The following TMX2 variants were observed in gnomAD, a reference collection of about 807,000 sequenced individuals.
TMX2 encodes thioredoxin related transmembrane protein 2.
TMX2 carries 20 observed loss-of-function variants against 33.4 expected under a neutral mutation model. The observed-to-expected ratio is 0.60, with a 90% CI of 0.42 to 0.87. The LOEUF (loss-of-function observed/expected upper bound fraction) is 0.87. Ranked by LOEUF, TMX2 falls within the 40% of genes least tolerant of loss-of-function variation. TMX2 has a pLI of 0.00. For missense variants in TMX2, 340 were observed against 370.7 expected (o/e 0.92, Z 0.68); for synonymous variants, 166 against 140.7 (o/e 1.18, Z -1.27).
At chr11:57,737,705 C>T (rs375644772) in intron 2 of TMX2, 37 bp downstream of exon 2, 1 of 1,598,898 alleles carries the variant, frequency 6.3e-7, no homozygotes, top group Non-Finnish European at 8.6e-7. Context: ...AAGGTTAGAT[C>T]TAATGCCCTT....
In TMX2 at chr11:57,715,402, AAAAT is replaced by A. The variant is rs544592015; in HGVS notation, c.189+2611_189+2614del. Among the ~76,000 whole-genome samples the A allele has an allele frequency of 5.8e-4, 88 of 151,488 alleles. 2 individuals are homozygous for A. In the South Asian group the frequency reaches 0.017, roughly 30 times the overall value. Reference sequence around the variant, plus strand: ...GGCAACAAGAGCAAAGTTCTGTCTCAAAATAAATAAATAAATAAAATTAAAAAAA... The same window carrying A: ...GGCAACAAGAGCAAAGTTCTGTCTCAAAATAAATAAATAAAATTAAAAAAA... On this transcript the variant is annotated intron_variant, in intron 1 of 7. Transcript: ENST00000278422.
intron 1 of TMX2, among the ~76,000 whole-genome samples, chr11:57,734,089 G>A (rs763532145): frequency 2.2e-4 from 32 of 148,710 alleles, no homozygotes; most frequent in East Asian, 4.0e-4. Context: ...GGAGAATGGC[G>A]TGAACCTGGG....
At position 57,712,624 on chromosome 11, in the gene TMX2, G is replaced by T. The variant is rs1354611948; in HGVS notation, c.6G>T (p.Ala2=). 3.7e-6 allele frequency: 6 copies of T among 1,611,110 alleles called. No homozygotes were observed. The African/African-American group carries it at 8.0e-5, about 22-fold the overall frequency. M[A]VLAPLIALVY... is the part of the protein sequence containing the mutation. The stretch of plus-strand genomic sequence containing the variant: ...TGGCCGTTACGGCCGAAAAGATGGC[G>T]GTCTTGGCACCTCTAATTGCTCTCG... Residue 2 remains alanine (A), a synonymous_variant, in exon 1 of 8, where the codon GCG becomes GCT. Coordinates refer to ENST00000278422, the MANE Select transcript of TMX2 (RefSeq NM_015959.4).
chr11:57,715,007 CT>C (rs1946883192), intron 1 of TMX2, among the ~76,000 whole-genome samples: 1 of 152,166 alleles, frequency 6.6e-6, no homozygotes, highest in South Asian at 2.1e-4. Flanking sequence ...TTTCATTAGA[CT>C]TTGGAAATTT....
In TMX2 at chr11:57,737,969, A is replaced by G; in HGVS notation, c.307A>G (p.Ile103Val). ...IFMFSKVANT[I>V]LFFRLDIRMG... ...CATGTTTAGTAAAGTGGCCAACACA[A>G]TTCTTTTCTTCCGCTTGGATATTCG... Residue 103 changes from isoleucine (I) to valine (V), a missense_variant, in exon 3 of 8, where the codon ATT becomes GTT. Physicochemically the swap from Ile to Val is conservative, Grantham distance 29 (BLOSUM62 3). Coordinates refer to ENST00000278422, the MANE Select transcript of TMX2 (RefSeq NM_015959.4). 1.2e-6 allele frequency: 2 copies of G among 1,614,100 alleles called. No individual in the cohort carries two copies. Among genetic ancestry groups the G allele is most frequent in the Non-Finnish European group, 1.7e-6 (2 of 1,180,016 alleles).
At chr11:57,721,300 CCAAT>C (rs571594149) in intron 1 of TMX2, among the ~76,000 whole-genome samples, 10 of 151,340 alleles carry the variant, frequency 6.6e-5, no homozygotes, top group South Asian at 4.2e-4. Context: ...GACTCCATCT[CCAAT>C]CAATCAATCA....
At chr11:57,730,148 G>A (rs1948270571) in intron 1 of TMX2, among the ~76,000 whole-genome samples, 1 of 150,412 alleles carries the variant, frequency 6.6e-6, no homozygotes. Context: ...TGCATGTGGT[G>A]GCCATGGTGC....
chr11:57,712,986 T>C (rs1193674914), intron 1 of TMX2, among the ~76,000 whole-genome samples, 179 bp downstream of exon 1: 1 of 152,246 alleles, frequency 6.6e-6, no homozygotes, highest in Non-Finnish European at 1.5e-5. Context: ...GTGTTTAAGA[T>C]GGGAAAACGG....
intron 1 of TMX2, among the ~76,000 whole-genome samples, chr11:57,735,894 C>G (rs1014261644): frequency 2.2e-4 from 34 of 152,186 alleles, no homozygotes; most frequent in African/African-American, 8.0e-4. Flanking sequence ...GGTCTCTTAT[C>G]AGGAAGCAAT....
chr11:57,723,687 C>T (rs184385583), intron 1 of TMX2, among the ~76,000 whole-genome samples: 10 of 151,250 alleles, frequency 6.6e-5, no homozygotes, highest in South Asian at 2.1e-4. Context: ...CCTGTAATCC[C>T]AGCTACTCGG....
chr11:57,712,821 G>C lies in TMX2; in HGVS notation c.189+14G>C, dbSNP rs770605338. The C allele has an allele frequency of 1.6e-5, 26 of 1,613,640 alleles. No individual in the cohort carries two copies. Among genetic ancestry groups the C allele is most frequent in the Non-Finnish European group, 2.0e-5 (24 of 1,179,916 alleles). On this transcript the variant is annotated intron_variant, in intron 1 of 7. Coordinates refer to ENST00000278422, the MANE Select transcript of TMX2 (RefSeq NM_015959.4). ...GACTTTGACTGGGTGAGCCTCCCGC[G>C]TGTTAGTACCCCGCGACCTTGACTG...
rs149280058 is a variant in TMX2, at chr11:57,737,006, C to T, written c.190-602C>T. Among the ~76,000 whole-genome samples, 9 of 152,216 alleles carry T rather than the reference C, an allele frequency of 5.9e-5. 1 individual carries two copies. The East Asian group carries it at 1.5e-3, about 26-fold the overall frequency. On this transcript the variant is annotated intron_variant, in intron 1 of 7. Coordinates refer to ENST00000278422, the MANE Select transcript of TMX2 (RefSeq NM_015959.4). ...GTCACATTGAGTTGATATTAATAAT[C>T]TTACGATTTTATACCATATCATGCT...
chr11:57,723,433 GGATTGT>G (rs1947766419), intron 1 of TMX2, among the ~76,000 whole-genome samples: 1 of 145,472 alleles, frequency 6.9e-6, no homozygotes, highest in African/African-American at 2.5e-5. Flanking sequence ...CAGTGAGCCG[GGATTGT>G]GCCATTGCAC....
At chr11:57,722,587 T>G (rs1162507646) in intron 1 of TMX2, among the ~76,000 whole-genome samples, 1 of 152,230 alleles carries the variant, frequency 6.6e-6, no homozygotes, top group Non-Finnish European at 1.5e-5. Flanking sequence ...AAGTGATACT[T>G]TACTGCCAAA....
At chr11:57,727,697 G>A (rs1948096046) in intron 1 of TMX2, among the ~76,000 whole-genome samples, 1 of 152,142 alleles carries the variant, frequency 6.6e-6, no homozygotes, top group Non-Finnish European at 1.5e-5. Context: ...TCCACATTCT[G>A]TAGAGAATCC....
chr11:57,736,015 G>C (rs1948731012), intron 1 of TMX2, among the ~76,000 whole-genome samples: 1 of 152,140 alleles, frequency 6.6e-6, no homozygotes, highest in Non-Finnish European at 1.5e-5. Flanking sequence ...TTAACTTTCT[G>C]TTTAAGAAAG....
intron 1 of TMX2, among the ~76,000 whole-genome samples, chr11:57,724,033 C>G (rs986668649): frequency 2.0e-5 from 3 of 151,520 alleles, no homozygotes; most frequent in Non-Finnish European, 2.9e-5. Flanking sequence ...AGGAATTGTT[C>G]CATTTTGTAG....
chr11:57,722,521 A>G (rs1947703648), intron 1 of TMX2, among the ~76,000 whole-genome samples: 1 of 152,200 alleles, frequency 6.6e-6, no homozygotes, highest in Non-Finnish European at 1.5e-5. Flanking sequence ...TATCTTTTGA[A>G]CATGGCTTTT....
Position 57,738,742 on chromosome 11 carries a change from G to T in TMX2, c.520G>T (p.Ala174Ser). The T allele has an allele frequency of 6.2e-7, 1 of 1,614,112 alleles. No homozygotes were observed. Among genetic ancestry groups the T allele is most frequent in the Non-Finnish European group, 8.5e-7 (1 of 1,179,998 alleles). The change falls in exon 5 of 8, where the codon GCC becomes TCC. Residue 174 changes from alanine to serine, a missense_variant. Around this residue, in one of 3 missense-constraint regions of TMX2, gnomAD observed 209 missense variants for 241.6 expected, o/e 0.87. Coordinates refer to ENST00000278422, the MANE Select transcript of TMX2 (RefSeq NM_015959.4). ...ANWSNDCQSFAPIYADLSLKY... is the reference protein window; with the variant it reads ...ANWSNDCQSFSPIYADLSLKY... ...TTGGTCTAATGACTGCCAATCATTTGCCCCTATCTATGCTGACCTCTCCCT... is the reference window on the plus strand; with the variant it reads ...TTGGTCTAATGACTGCCAATCATTTTCCCCTATCTATGCTGACCTCTCCCT...
Sources: allele counts gnomAD v4.1 joint callset (sites outside exome capture counted in the v4.1 genomes callset), GRCh38; gene constraint gnomAD v4.1.1; regional missense constraint gnomAD v4.1.1; transcripts MANE v1.5; gene names NCBI Gene and HGNC (gene_info 2026-07-23, HGNC 2026-07-21).